The following PRDM11 variants were observed in gnomAD, a reference collection of about 807,000 sequenced individuals.
PRDM11 encodes PR/SET domain 11.
In PRDM11, 20 loss-of-function variants were observed where a neutral mutation model predicts 97.8. The observed-to-expected ratio is 0.20, with a 90% confidence interval of 0.14 to 0.30. PRDM11 has a LOEUF of 0.30. Ranked by LOEUF, PRDM11 falls within the 10% of genes least tolerant of loss-of-function variation. The pLI is 1.00. For missense variants in PRDM11, 1,139 were observed against 1,555.2 expected (o/e 0.73, Z 4.50); for synonymous variants, 599 against 637.7 (o/e 0.94, Z 0.91).
At chr11:45,102,595 C>G (rs530876910) in intron 1 of PRDM11, among the ~76,000 whole-genome samples, 1 of 152,206 alleles carries the variant, frequency 6.6e-6, no homozygotes, top group South Asian at 2.1e-4. Flanking sequence ...GCCTCCTTCC[C>G]CCATACCACC....
chr11:45,107,606 C>T (rs1282712760), intron 1 of PRDM11, among the ~76,000 whole-genome samples: 1 of 151,962 alleles, frequency 6.6e-6, no homozygotes, highest in Non-Finnish European at 1.5e-5. Flanking sequence ...AAGGAAATGC[C>T]CATCTCTAGT....
intron 5 of PRDM11, among the ~76,000 whole-genome samples, chr11:45,205,532 G>T (rs1022839030): frequency 1.3e-5 from 2 of 152,120 alleles, no homozygotes; most frequent in Non-Finnish European, 2.9e-5. Flanking sequence ...ACTGGCTGGA[G>T]ATTTGGATCT....
At chr11:45,114,089 A>G (rs1304491719) in intron 1 of PRDM11, among the ~76,000 whole-genome samples, 2 of 152,042 alleles carry the variant, frequency 1.3e-5, no homozygotes, top group Non-Finnish European at 2.9e-5. Flanking sequence ...TCCTTGTCCC[A>G]ATTCTCAGGG....
chr11:45,183,109 T>C lies in PRDM11; in HGVS notation c.472T>C (p.Phe158Leu). 1 of 1,613,230 alleles carries C rather than the reference T, an allele frequency of 6.2e-7. No individual in the cohort carries two copies. The highest frequency in any genetic ancestry group is 8.5e-7 in the Non-Finnish European group (1 of 1,179,580). ...QISTQDKSAG[F>L]FSWLIVDKNN... ...CTCCACCCAGGACAAATCAGCTGGCTTCTTCTCCTGGCTGGTGAGTGTGCC... is the reference window on the plus strand; with the variant it reads ...CTCCACCCAGGACAAATCAGCTGGCCTCTTCTCCTGGCTGGTGAGTGTGCC... The change falls in exon 4 of 8, where the codon TTC becomes CTC. Residue 158 changes from phenylalanine (F) to leucine (L), a missense_variant. Around this residue, in one of 2 missense-constraint regions of PRDM11, gnomAD observed 429 missense variants for 510.3 expected, o/e 0.84. Coordinates refer to ENST00000683152, the MANE Select transcript of PRDM11 (RefSeq NM_001384648.1).
At chr11:45,173,336 T>G (rs1402431199) in intron 1 of PRDM11, among the ~76,000 whole-genome samples, 1 of 151,940 alleles carries the variant, frequency 6.6e-6, no homozygotes. Context: ...CATAAAAAAG[T>G]TCTGGCTGGG....
At chr11:45,120,579 T>G (rs1852407062) in intron 1 of PRDM11, among the ~76,000 whole-genome samples, 1 of 152,114 alleles carries the variant, frequency 6.6e-6, no homozygotes, top group Admixed American at 6.5e-5. Context: ...CTTAGAATTC[T>G]ATATCCACTA....
chr11:45,185,014 T>C (rs889551132), intron 4 of PRDM11, among the ~76,000 whole-genome samples: 3 of 151,532 alleles, frequency 2.0e-5, no homozygotes, highest in African/African-American at 7.3e-5. Flanking sequence ...ACCAGGAGAG[T>C]GGGTGACCTG....
At chr11:45,211,888 GA>G (rs563890580) in intron 5 of PRDM11, among the ~76,000 whole-genome samples, 3 of 151,928 alleles carry the variant, frequency 2.0e-5, no homozygotes, top group Admixed American at 6.6e-5. Context: ...ATAACTTATG[GA>G]AAAAAAAGTG....
intron 1 of PRDM11, among the ~76,000 whole-genome samples, chr11:45,178,766 C>T (rs530661508): frequency 6.6e-6 from 1 of 152,346 alleles, no homozygotes; most frequent in South Asian, 2.1e-4. Context: ...GTCCTGCAAG[C>T]GTATGACCCT....
At chr11:45,142,111 G>A (rs927190022), upstream of PRDM11, among the ~76,000 whole-genome samples, 1 of 152,182 alleles carries the variant, frequency 6.6e-6, no homozygotes. Flanking sequence ...CTCAGTAAAT[G>A]TTTATCATCC....
At chr11:45,109,462 C>A (rs1344215937) in intron 1 of PRDM11, among the ~76,000 whole-genome samples, 1 of 152,208 alleles carries the variant, frequency 6.6e-6, no homozygotes, top group Non-Finnish European at 1.5e-5. Flanking sequence ...GAGGCCCTGT[C>A]TCTACCATGC....
intron 2 of PRDM11, 125 bp downstream of exon 2, chr11:45,182,010 A>G: frequency 2.2e-6 from 2 of 921,036 alleles, no homozygotes; most frequent in South Asian, 3.4e-5. Context: ...TGCTCCCGGC[A>G]GCTCCTGGGC....
At chr11:45,225,945 G>T in intron 7 of PRDM11, 50 bp from the exon 8 acceptor site, 1 of 1,442,024 alleles carries the variant, frequency 6.9e-7, no homozygotes, top group Non-Finnish European at 9.1e-7. Flanking sequence ...TTTTGGAAAA[G>T]CCTGTTTTCT....
At chr11:45,110,691 G>C (rs1023824328) in intron 1 of PRDM11, among the ~76,000 whole-genome samples, 4 of 152,232 alleles carry the variant, frequency 2.6e-5, no homozygotes, top group African/African-American at 9.6e-5. Context: ...GGCCTCGCTT[G>C]CTCTATACAG....
At chr11:45,170,956 C>T (rs1388305902) in intron 1 of PRDM11, among the ~76,000 whole-genome samples, 1 of 152,190 alleles carries the variant, frequency 6.6e-6, no homozygotes, top group Non-Finnish European at 1.5e-5. Flanking sequence ...CCCCATCCCC[C>T]TCCATGGGTA....
chr11:45,110,437 T>C (rs1027573411), intron 1 of PRDM11, among the ~76,000 whole-genome samples: 1 of 152,126 alleles, frequency 6.6e-6, no homozygotes, highest in Non-Finnish European at 1.5e-5. Flanking sequence ...AAGGGCCAGG[T>C]AGGAGTTTGA....
intron 4 of PRDM11, among the ~76,000 whole-genome samples, chr11:45,192,519 C>A (rs111936178): frequency 0.012 from 1,870 of 152,272 alleles, 35 homozygotes; most frequent in African/African-American, 0.042. Context: ...CTGGCTGGAG[C>A]CAAGTCTGTA....
chr11:45,189,540 C>T (rs1261861685), intron 4 of PRDM11, among the ~76,000 whole-genome samples: 2 of 152,190 alleles, frequency 1.3e-5, no homozygotes, highest in Non-Finnish European at 2.9e-5. Flanking sequence ...GGATAGGTTT[C>T]CCAGGGGCCC....
upstream of PRDM11, chr11:45,095,789 T>C: frequency 1.4e-6 from 1 of 732,480 alleles, no homozygotes; most frequent in Non-Finnish European, 2.5e-6. Flanking sequence ...CCATTTCGGG[T>C]CACAAGGTAG....
Sources: allele counts gnomAD v4.1 joint callset (sites outside exome capture counted in the v4.1 genomes callset), GRCh38; gene constraint gnomAD v4.1.1; regional missense constraint gnomAD v4.1.1; transcripts MANE v1.5; gene names NCBI Gene and HGNC (gene_info 2026-07-23, HGNC 2026-07-21).